Variants in BICD2 observed in about 807,000 individuals in gnomAD.
The protein encoded by BICD2 is protein bicaudal D homolog 2.
A neutral mutation model predicts 72.9 loss-of-function variants in BICD2; 25 were observed. The ratio of observed to expected loss-of-function variants is 0.34; its 90% confidence interval spans 0.25 to 0.48. The LOEUF (loss-of-function observed/expected upper bound fraction) is 0.48. Ranked by LOEUF, BICD2 falls within the 20% of genes least tolerant of loss-of-function variation. The pLI is 0.99. For synonymous variants in BICD2, 501 were observed against 516.1 expected (o/e 0.97, Z 0.40); for missense variants, 894 against 1,175.2 (o/e 0.76, Z 3.50).
intron 1 of BICD2, among the ~76,000 whole-genome samples, chr9:92,748,807 C>T (rs1183089888): frequency 1.3e-5 from 2 of 152,152 alleles, no homozygotes; most frequent in Admixed American, 1.3e-4. Context: ...GGGTGTGAAT[C>T]ATGTGTCTTC....
At chr9:92,749,910 G>T (rs1228631734) in intron 1 of BICD2, among the ~76,000 whole-genome samples, 1 of 152,236 alleles carries the variant, frequency 6.6e-6, no homozygotes, top group African/African-American at 2.4e-5. Context: ...GACGGCATCT[G>T]TTCCAAACGA....
intron 1 of BICD2, among the ~76,000 whole-genome samples, chr9:92,742,125 A>C (rs1853908689): frequency 6.6e-6 from 1 of 152,222 alleles, no homozygotes; most frequent in Admixed American, 6.5e-5. Flanking sequence ...TGTCATGTAG[A>C]TTCATGTGAT....
chr9:92,759,418 T>A (rs1233342443), intron 1 of BICD2, among the ~76,000 whole-genome samples: 8 of 152,216 alleles, frequency 5.3e-5, no homozygotes, highest in African/African-American at 1.7e-4. Context: ...ACACAGTAGC[T>A]TCTAAAAAAG....
chr9:92,725,023 C>G (rs1019530381), intron 2 of BICD2, among the ~76,000 whole-genome samples: 5 of 152,248 alleles, frequency 3.3e-5, no homozygotes, highest in Admixed American at 3.3e-4. Context: ...TCAAGATCAA[C>G]AAACCTAGAA....
At chr9:92,734,114 ATGTTGAGTG>A (rs1201491841) in intron 1 of BICD2, among the ~76,000 whole-genome samples, 5 of 152,238 alleles carry the variant, frequency 3.3e-5, no homozygotes, top group Admixed American at 3.3e-4. Flanking sequence ...GAATCTAACA[ATGTTGAGTG>A]AAAAAAGCCA....
At chr9:92,752,735 C>T (rs916776905) in intron 1 of BICD2, among the ~76,000 whole-genome samples, 7 of 152,220 alleles carry the variant, frequency 4.6e-5, no homozygotes, top group South Asian at 2.1e-4. Context: ...CCAGCCTGGG[C>T]GACAGAGTGA....
intron 1 of BICD2, among the ~76,000 whole-genome samples, chr9:92,736,080 C>T (rs181476125): frequency 6.6e-6 from 1 of 152,318 alleles, no homozygotes; most frequent in East Asian, 1.9e-4. Context: ...ATCTACTGGG[C>T]TACATTCCAG....
intron 1 of BICD2, among the ~76,000 whole-genome samples, chr9:92,729,796 T>C (rs1417693004): frequency 1.3e-5 from 2 of 152,232 alleles, no homozygotes; most frequent in Non-Finnish European, 2.9e-5. Context: ...CTCTGCCCAG[T>C]TCCTGGCTCA....
In BICD2 at chr9:92,714,148, T is replaced by A; in HGVS notation, c.*1006A>T. The A allele has an allele frequency of 4.1e-6, 4 of 985,622 alleles. No individual in the cohort carries two copies. Among genetic ancestry groups the A allele is most frequent in the Non-Finnish European group, 3.6e-6 (3 of 830,078 alleles). The allele number at this position is 985,622 out of a possible 1,614,324, so 61.1% of individuals were successfully genotyped here. ...TCTCCTACCTGTGAATCCTGACAAG[T>A]GGCCCTGGCCCTATGCAAAGCTTTC... On this transcript the variant is annotated 3_prime_UTR_variant, in exon 7 of 7. Coordinates refer to ENST00000356884, the MANE Select transcript of BICD2 (RefSeq NM_001003800.2).
chr9:92,719,059 G>T lies in BICD2; in HGVS notation c.1586C>A (p.Thr529Asn). The T allele has an allele frequency of 6.2e-7, 1 of 1,613,038 alleles. No homozygotes were observed. The highest frequency in any genetic ancestry group is 8.5e-7 in the Non-Finnish European group (1 of 1,179,982). The change falls in exon 5 of 7, where the codon ACC (threonine) becomes AAC (asparagine). Residue 529 changes from threonine (T) to asparagine (N), a missense_variant. Physicochemically the swap from Thr to Asn is moderately conservative, Grantham distance 65 (BLOSUM62 0). Transcript: ENST00000356884. Reference sequence around the variant, plus strand: ...GAGATTGGCCAGCTCCTCACTGAAGGTCACCAGCTCATCCTGGGCCACACT... The same window carrying T: ...GAGATTGGCCAGCTCCTCACTGAAGTTCACCAGCTCATCCTGGGCCACACT... ...SLSVAQDELV[T>N]FSEELANLYH...
chr9:92,719,508 G>A lies in BICD2; in HGVS notation c.1137C>T (p.Ser379=). The change falls in exon 5 of 7, where the codon TCC becomes TCT. Residue 379 remains serine (S), a synonymous_variant. Coordinates refer to ENST00000356884, the MANE Select transcript of BICD2 (RefSeq NM_001003800.2). The part of the protein sequence containing the change: ...TQKQLEHTRG[S]LSEQQEKVTR... ...TCACCTTCTCCTGCTGTTCTGACAG[G>A]GAGCCCCGCGTGTGCTCCAGCTGCT... The A allele has an allele frequency of 1.9e-6, 3 of 1,613,736 alleles. No homozygotes were observed. Among genetic ancestry groups the A allele is most frequent in the Non-Finnish European group, 1.7e-6 (2 of 1,179,988 alleles).
rs865976278 is a variant in BICD2 at position 92,764,525 on chromosome 9, C to G, written c.220G>C (p.Glu74Gln). 6.5e-7 allele frequency: 1 copy of G among 1,536,636 alleles called. No homozygotes were observed. The highest frequency in any genetic ancestry group is 8.8e-7 in the Non-Finnish European group (1 of 1,141,300). ...LEVDYEAIRS[E>Q]MEQLKEAFGQ... ...CTCACCTCCTTGAGCTGCTCCATCTCGCTGCGGATAGCCTCATAGTCCACC... is the reference window on the plus strand; with the variant it reads ...CTCACCTCCTTGAGCTGCTCCATCTGGCTGCGGATAGCCTCATAGTCCACC... The change falls in exon 1 of 7, where the codon GAG becomes CAG. Residue 74 changes from glutamate to glutamine, a missense_variant. Transcript: ENST00000356884. This position sits in a 1 kb window ranked among gnomAD's most constrained non-coding sequence, Gnocchi z 5.5.
At chr9:92,742,783 C>T (rs1463598629) in intron 1 of BICD2, among the ~76,000 whole-genome samples, 1 of 152,174 alleles carries the variant, frequency 6.6e-6, no homozygotes, top group East Asian at 1.9e-4. Context: ...ATCTATTTTC[C>T]ATCTCTATGA....
chr9:92,744,657 T>A (rs1250200108), intron 1 of BICD2, among the ~76,000 whole-genome samples: 2 of 152,032 alleles, frequency 1.3e-5, no homozygotes, highest in African/African-American at 4.8e-5. Context: ...CTGGCTAACA[T>A]GGTGAAACCC....
At chr9:92,748,362 C>T (rs1205122946) in intron 1 of BICD2, among the ~76,000 whole-genome samples, 1 of 152,180 alleles carries the variant, frequency 6.6e-6, no homozygotes, top group Non-Finnish European at 1.5e-5. Flanking sequence ...CAGGATAGTG[C>T]TCCCACACTC....
intron 2 of BICD2, among the ~76,000 whole-genome samples, chr9:92,725,545 C>T (rs930954864): frequency 2.8e-4 from 42 of 152,250 alleles, no homozygotes; most frequent in African/African-American, 9.9e-4. Flanking sequence ...CCCAGTGAGC[C>T]TGTCTGATGT....
intron 1 of BICD2, among the ~76,000 whole-genome samples, chr9:92,734,586 T>C (rs1404847739): frequency 8.0e-6 from 1 of 125,152 alleles, no homozygotes; most frequent in Non-Finnish European, 1.7e-5. Flanking sequence ...CTGGAGTTAC[T>C]CCCTCCTCCC....
chr9:92,760,296 C>T (rs1000095269), intron 1 of BICD2, among the ~76,000 whole-genome samples: 1 of 152,226 alleles, frequency 6.6e-6, no homozygotes, highest in African/African-American at 2.4e-5. Context: ...TCCCCAAAGA[C>T]GAGCTGCTCC....
Position 92,722,849 on chromosome 9 carries a change from C to T in BICD2, c.454-41G>A, listed in dbSNP as rs772077163. On this transcript the variant is annotated intron_variant, in intron 2 of 6. Transcript: ENST00000356884. ...GAAAGGCAGGTATGAGCAGCCTCCA[C>T]AGGGCACGAGAGGGGCTCAGTGCAG... The T allele has an allele frequency of 3.7e-6, 6 of 1,612,782 alleles. No homozygotes were observed. In the Admixed American group the frequency reaches 8.3e-5, roughly 22 times the overall value.
Sources: allele counts gnomAD v4.1 joint callset (sites outside exome capture counted in the v4.1 genomes callset), GRCh38; gene constraint gnomAD v4.1.1; non-coding constraint Gnocchi (gnomAD v3.1); transcripts MANE v1.5; gene names NCBI Gene and HGNC (gene_info 2026-07-23, HGNC 2026-07-21).